The following PVT1 variants were observed in gnomAD, a reference collection of about 807,000 sequenced individuals.
PVT1 encodes CXCR4/PVT1 fusion.
At chr8:127,895,459 A>G (rs2129812800) in intron 3 of PVT1, among the ~76,000 whole-genome samples, 1 of 152,134 alleles carries the variant, frequency 6.6e-6, no homozygotes. Flanking sequence ...TGACAAACTG[A>G]GACTCCATCT....
intron 4 of PVT1, among the ~76,000 whole-genome samples, chr8:128,041,756 A>G (rs1813548543): frequency 1.3e-5 from 2 of 152,086 alleles, no homozygotes; most frequent in Non-Finnish European, 2.9e-5. Flanking sequence ...AGCACTTGCT[A>G]TGTGTCAAGC....
chr8:127,969,817 C>G (rs1453911344), intron 3 of PVT1, among the ~76,000 whole-genome samples: 3 of 152,044 alleles, frequency 2.0e-5, no homozygotes, highest in Admixed American at 6.6e-5. Context: ...CACAGTTTAC[C>G]AGTGCAAGTG....
intron 3 of PVT1, among the ~76,000 whole-genome samples, chr8:127,944,329 G>A (rs886577226): frequency 1.3e-5 from 2 of 152,032 alleles, no homozygotes; most frequent in Non-Finnish European, 2.9e-5. Context: ...AACCTGCGTG[G>A]CTTAGAGGCT....
chr8:128,085,498 T>A (rs1297596733), intron 5 of PVT1, among the ~76,000 whole-genome samples: 1 of 152,230 alleles, frequency 6.6e-6, no homozygotes, highest in Non-Finnish European at 1.5e-5. Flanking sequence ...AACCTTTTTT[T>A]TTTAACACTC....
At chr8:127,843,738 C>T (rs1359439824) in intron 2 of PVT1, among the ~76,000 whole-genome samples, 3 of 124,724 alleles carry the variant, frequency 2.4e-5, no homozygotes, top group African/African-American at 1.0e-4. Context: ...AGCCACCACG[C>T]CTGGCCTGTT....
chr8:128,047,750 T>A (rs1041901749), intron 4 of PVT1, among the ~76,000 whole-genome samples: 1 of 152,176 alleles, frequency 6.6e-6, no homozygotes, highest in African/African-American at 2.4e-5. Flanking sequence ...CTAATACAGC[T>A]GTTTAAAAAA....
At chr8:127,930,868 G>A (rs927558383) in intron 3 of PVT1, among the ~76,000 whole-genome samples, 11 of 152,076 alleles carry the variant, frequency 7.2e-5, no homozygotes, top group African/African-American at 2.7e-4. Flanking sequence ...GTTAAACTTG[G>A]CTAGAATCTT....
chr8:127,929,114 A>AGCG (rs987836902), intron 3 of PVT1, among the ~76,000 whole-genome samples: 1 of 151,752 alleles, frequency 6.6e-6, no homozygotes, highest in African/African-American at 2.4e-5. Context: ...AGGGGGGTTT[A>AGCG]GCGGGTGGGA....
At chr8:128,081,020 AT>A (rs1814170261) in intron 5 of PVT1, among the ~76,000 whole-genome samples, 1 of 152,172 alleles carries the variant, frequency 6.6e-6, no homozygotes, top group Admixed American at 6.5e-5. Flanking sequence ...AGTTGACTAT[AT>A]ATATGTGGGT....
At chr8:128,006,226 T>C (rs1030139711) in intron 4 of PVT1, among the ~76,000 whole-genome samples, 16 of 151,628 alleles carry the variant, frequency 1.1e-4, no homozygotes, top group Non-Finnish European at 2.2e-4. Context: ...ATCCCACTTC[T>C]CGGAGTCTGT....
chr8:128,038,986 G>A (rs1401433324), intron 4 of PVT1, among the ~76,000 whole-genome samples: 1 of 152,156 alleles, frequency 6.6e-6, no homozygotes, highest in African/African-American at 2.4e-5. Context: ...CTCAGGTACT[G>A]TCTGAGGGAG....
intron 3 of PVT1, among the ~76,000 whole-genome samples, chr8:127,923,422 T>C (rs953057466): frequency 2.8e-4 from 43 of 152,276 alleles, no homozygotes; most frequent in African/African-American, 1.0e-3. Flanking sequence ...AGCGTTCAGG[T>C]TGGGGCCTGG....
intron 4 of PVT1, among the ~76,000 whole-genome samples, chr8:128,046,572 A>T (rs1041927213): frequency 2.4e-4 from 37 of 152,178 alleles, no homozygotes; most frequent in African/African-American, 8.0e-4. Context: ...CTAATCTGTC[A>T]TTCTGTTGCT....
chr8:127,923,186 C>T (rs553074252), intron 3 of PVT1, among the ~76,000 whole-genome samples: 4 of 152,166 alleles, frequency 2.6e-5, no homozygotes, highest in Non-Finnish European at 4.4e-5. Context: ...GTTAGGACTC[C>T]GAAGCAGGTG....
intron 4 of PVT1, among the ~76,000 whole-genome samples, chr8:128,044,846 T>C (rs1255378897): frequency 1.3e-5 from 2 of 152,256 alleles, no homozygotes; most frequent in Admixed American, 6.5e-5. Context: ...GCCCTACTTA[T>C]CTTTGTCCCT....
intron 4 of PVT1, among the ~76,000 whole-genome samples, chr8:128,020,959 C>A (rs1817425915): frequency 6.6e-6 from 1 of 152,162 alleles, no homozygotes; most frequent in African/African-American, 2.4e-5. Flanking sequence ...CCAAACACTT[C>A]ATCTCCCCCA....
intron 2 of PVT1, among the ~76,000 whole-genome samples, chr8:127,810,992 C>T (rs1193487431): frequency 6.6e-6 from 1 of 152,110 alleles, no homozygotes; most frequent in African/African-American, 2.4e-5. Context: ...TCAGGGGTTC[C>T]AAACTTAGCT....
chr8:128,001,922 C>A (rs1445381084), intron 4 of PVT1, among the ~76,000 whole-genome samples: 1 of 152,126 alleles, frequency 6.6e-6, no homozygotes, highest in African/African-American at 2.4e-5. Context: ...GATCGCCTCC[C>A]AAAGCCCCTA....
chr8:127,847,227 T>TTGGCCACGGCGCC (rs6150804), intron 2 of PVT1, among the ~76,000 whole-genome samples: 6,396 of 151,606 alleles, frequency 0.042, 492 homozygotes, highest in African/African-American at 0.15. Context: ...AGTCGAACTC[T>TTGGCCACGGCGCC]TGGCCCCAAA....
Sources: gnomAD v4.1 joint callset for allele counts (sites outside exome capture counted in the v4.1 genomes callset) on GRCh38, gnomAD v4.1.1 for gene constraint, MANE v1.5 for transcripts, NCBI Gene and HGNC (gene_info 2026-07-23, HGNC 2026-07-21) for gene names.